The following OSBPL1A variants were observed in gnomAD, a reference collection of about 807,000 sequenced individuals.
OSBPL1A encodes oxysterol binding protein like 1A, also known as oxysterol-binding protein-related protein 1.
OSBPL1A carries 80 observed loss-of-function variants against 137.1 expected under a neutral mutation model. The observed-to-expected ratio is 0.58, with a 90% confidence interval of 0.49 to 0.70. The LOEUF is 0.70. Among genes scored for constraint, OSBPL1A ranks in the 30% least tolerant of loss-of-function variants. The probability of loss-of-function intolerance (pLI) is 0.00; values close to 1 mark genes in which losing one functional copy is unlikely to be tolerated. For missense variants in OSBPL1A, 970 were observed against 1,129.4 expected, an observed-to-expected ratio of 0.86 and a Z score of 2.02; for synonymous variants, 365 against 389.7, an observed-to-expected ratio of 0.94 and a Z score of 0.75.
At chr18:24,257,428 G>A (rs1302175169) in intron 15 of OSBPL1A, among the ~76,000 whole-genome samples, 3 of 152,128 alleles carry the variant, frequency 2.0e-5, no homozygotes, top group African/African-American at 7.2e-5. Context: ...ATATCCATAT[G>A]CAAAAGAAAG....
chr18:24,191,033 TATTC>T (rs1314473174), intron 18 of OSBPL1A, among the ~76,000 whole-genome samples: 1 of 152,212 alleles, frequency 6.6e-6, no homozygotes, highest in Non-Finnish European at 1.5e-5. Context: ...CAGTGAAAAT[TATTC>T]CAATTTTCTC....
Position 24,225,181 on chromosome 18 carries a change from AC to A in OSBPL1A, c.1461del (p.Arg487SerfsTer3), listed in dbSNP as rs759951097. On this transcript the variant is annotated frameshift_variant, in exon 17 of 28. Transcript: ENST00000319481. LOFTEE classifies it high-confidence loss of function. ...GTCACTGCTTCCAATCTACTCAGGG[AC>A]CTTTCGGACTCGGAATCTGTGGCAG... is the stretch of plus-strand genomic sequence containing the variant. ...YDALSDSESE[R>X]SLSRLEAVTA... 27 of 1,613,866 alleles carry A rather than the reference AC, an allele frequency of 1.7e-5. No individual in the cohort carries two copies. The highest frequency in any genetic ancestry group is 2.3e-5 in the Non-Finnish European group (27 of 1,179,964).
chr18:24,295,153 C>G (rs756152185), intron 14 of OSBPL1A, among the ~76,000 whole-genome samples: 19 of 152,292 alleles, frequency 1.2e-4, no homozygotes, highest in Non-Finnish European at 1.8e-4. Flanking sequence ...ATTTCCATTT[C>G]CATGATGATT....
At position 24,326,446 on chromosome 18, in the gene OSBPL1A, C is replaced by T. The variant is rs147691059; in HGVS notation, c.625+6496G>A. On this transcript the variant is annotated intron_variant, in intron 7 of 27. Coordinates refer to ENST00000319481, the MANE Select transcript of OSBPL1A (RefSeq NM_080597.4). ...CCCAAGTGACCACACTAGGCACAGACGCCTGACACAAGCAGGTACTAACAC... is the reference window on the plus strand; with the variant it reads ...CCCAAGTGACCACACTAGGCACAGATGCCTGACACAAGCAGGTACTAACAC... Among the ~76,000 whole-genome samples, 16 of 152,338 alleles carry T rather than the reference C, an allele frequency of 1.1e-4. No individual in the cohort carries two copies. In the East Asian group the frequency reaches 1.2e-3, roughly 11 times the overall value.
intron 15 of OSBPL1A, among the ~76,000 whole-genome samples, chr18:24,266,102 G>A (rs2089563665): frequency 6.6e-6 from 1 of 152,352 alleles, no homozygotes; most frequent in Admixed American, 6.5e-5. Context: ...ACAAAAGAAC[G>A]TGAGCCTTGG....
intron 4 of OSBPL1A, among the ~76,000 whole-genome samples, chr18:24,355,919 A>T (rs1429953897): frequency 6.7e-6 from 1 of 148,882 alleles, no homozygotes; most frequent in Non-Finnish European, 1.5e-5. Context: ...CGGGACACAG[A>T]GGTTGCAGTG....
chr18:24,221,781 T>C (rs2087901557), intron 17 of OSBPL1A, among the ~76,000 whole-genome samples: 1 of 152,244 alleles, frequency 6.6e-6, no homozygotes. Flanking sequence ...GTTTTATCTC[T>C]TTCAGAAAGT....
At chr18:24,196,333 C>G (rs535201110) in intron 17 of OSBPL1A, 133 bp from the exon 18 acceptor site, 6 of 637,696 alleles carry the variant, frequency 9.4e-6, no homozygotes, top group Non-Finnish European at 1.4e-5. Flanking sequence ...ACAGACAGGG[C>G]TAAGCAGGGC....
Position 24,181,245 on chromosome 18 carries a change from T to A in OSBPL1A, c.1712A>T (p.Asn571Ile), listed in dbSNP as rs775532942. 6.2e-7 allele frequency: 1 copy of A among 1,614,156 alleles called. No homozygotes were observed. The highest frequency in any genetic ancestry group is 8.5e-7 in the Non-Finnish European group (1 of 1,180,020). Reference sequence around the variant, plus strand: ...GCGCTGTAGGAAGCTCAGAGGCTCATTAAATATAACTGGCATCGTGATCTT... The same window carrying A: ...GCGCTGTAGGAAGCTCAGAGGCTCAATAAATATAACTGGCATCGTGATCTT... ...LSKITMPVIFNEPLSFLQRLT... is the reference protein window; with the variant it reads ...LSKITMPVIFIEPLSFLQRLT... Residue 571 changes from asparagine to isoleucine, a missense_variant, in exon 19 of 28, where the codon AAT (asparagine) becomes ATT (isoleucine). By Grantham distance (149) the Asn-to-Ile change is moderately radical. Transcript: ENST00000319481.
intron 15 of OSBPL1A, among the ~76,000 whole-genome samples, chr18:24,273,970 A>G (rs1396341580): frequency 6.6e-6 from 1 of 152,140 alleles, no homozygotes; most frequent in African/African-American, 2.4e-5. Flanking sequence ...ACGGTGGCTC[A>G]CACCTATAAT....
chr18:24,311,966 T>A lies in OSBPL1A; in HGVS notation c.1092+18A>T. 6.2e-7 allele frequency: 1 copy of A among 1,613,596 alleles called. No homozygotes were observed. The highest frequency in any genetic ancestry group is 8.5e-7 in the Non-Finnish European group (1 of 1,179,660). ...GACATAGATAGCTATAAAGGTCAGG[T>A]TACATTTTCCTATTTACCTCTAATG... is the stretch of plus-strand genomic sequence containing the variant. On this transcript the variant is annotated intron_variant, in intron 13 of 27. Coordinates refer to ENST00000319481, the MANE Select transcript of OSBPL1A (RefSeq NM_080597.4).
rs1599747734 is a variant in OSBPL1A, at chr18:24,395,225, T to C, written c.-3+2430A>G. On this transcript the variant is annotated intron_variant, in intron 1 of 27. Transcript: ENST00000319481. ...TGATTGCCAAAGTTCAGACTCAGCT[T>C]GGAAGAACTGACAAGGTTCTGAAGG... Among the ~76,000 whole-genome samples, 2 of 152,348 alleles carry C rather than the reference T, an allele frequency of 1.3e-5. 1 individual carries two copies. The highest frequency in any genetic ancestry group is 4.1e-4 in the South Asian group (2 of 4,830).
At chr18:24,314,846 C>G (rs2090689167) in intron 11 of OSBPL1A, among the ~76,000 whole-genome samples, 1 of 152,008 alleles carries the variant, frequency 6.6e-6, no homozygotes, top group South Asian at 2.1e-4. Context: ...GCCATTTATG[C>G]CAGAGGTTGC....
intron 4 of OSBPL1A, among the ~76,000 whole-genome samples, chr18:24,351,739 C>T (rs1355562483): frequency 6.6e-6 from 1 of 152,090 alleles, no homozygotes; most frequent in Non-Finnish European, 1.5e-5. Context: ...GGGGTTTCAC[C>T]ATGTCGGCCA....
At position 24,361,996 on chromosome 18, in the gene OSBPL1A, CAA is replaced by C. The variant is rs200189504; in HGVS notation, c.282+4894_282+4895del. ...TGGGTGACAATGGGAGACTCCATCT[CAA>C]AAAAAAAAAAAAAAAAAAAAAGACA... On this transcript the variant is annotated intron_variant, in intron 4 of 27. Transcript: ENST00000319481. Among the ~76,000 whole-genome samples the C allele has an allele frequency of 5.6e-3, 293 of 52,132 alleles. 1 individual carries two copies. The highest frequency in any genetic ancestry group is 0.029 in the Middle Eastern group (3 of 102). The allele number at this position is 52,132 out of a possible 152,430, so 34.2% of individuals were successfully genotyped here.
chr18:24,261,799 C>G (rs779101698), intron 15 of OSBPL1A, among the ~76,000 whole-genome samples: 13 of 152,104 alleles, frequency 8.5e-5, no homozygotes, highest in Non-Finnish European at 1.8e-4. Context: ...CTGCAGTGAG[C>G]CAAGATCATG....
chr18:24,376,181 A>G (rs1336798983), intron 2 of OSBPL1A, among the ~76,000 whole-genome samples: 2 of 152,276 alleles, frequency 1.3e-5, no homozygotes, highest in Admixed American at 6.5e-5. Flanking sequence ...CCCCACCCAC[A>G]TCCTGCTGAC....
At chr18:24,383,370 A>G (rs1419248467) in intron 1 of OSBPL1A, among the ~76,000 whole-genome samples, 1 of 152,240 alleles carries the variant, frequency 6.6e-6, no homozygotes. Context: ...AGTTTTTTAT[A>G]ACATTTTCCT....
chr18:24,247,263 T>C (rs1026165870), intron 15 of OSBPL1A, among the ~76,000 whole-genome samples: 1 of 152,156 alleles, frequency 6.6e-6, no homozygotes, highest in Non-Finnish European at 1.5e-5. Flanking sequence ...GAAAAAGTGA[T>C]TAACTGTCAA....
Sources: gnomAD v4.1 joint callset for allele counts (sites outside exome capture counted in the v4.1 genomes callset) on GRCh38, gnomAD v4.1.1 for gene constraint, MANE v1.5 for transcripts, NCBI Gene and HGNC (gene_info 2026-07-23, HGNC 2026-07-21) for gene names.